Variants in UTRN observed in about 807,000 individuals in gnomAD.
UTRN encodes dystrophin-related protein 1.
In UTRN, 283 loss-of-function variants were observed where a neutral mutation model predicts 463.9. The ratio of observed to expected loss-of-function variants is 0.61; its 90% CI spans 0.55 to 0.67. UTRN has a LOEUF of 0.67. Among genes scored for constraint, UTRN ranks in the 30% least tolerant of loss-of-function variants. UTRN has a pLI of 0.00. For synonymous variants in UTRN, 1,442 were observed against 1,431.5 expected, an observed-to-expected ratio of 1.01 and a Z score of -0.17; for missense variants, 3,922 against 4,084.3, an observed-to-expected ratio of 0.96 and a Z score of 1.08.
chr6:144,736,541 A>T (rs1789417596), intron 54 of UTRN, among the ~76,000 whole-genome samples: 1 of 152,178 alleles, frequency 6.6e-6, no homozygotes, highest in Non-Finnish European at 1.5e-5. Context: ...CTATTAATTG[A>T]CCATTCCACA....
At chr6:144,778,136 A>G (rs1775497104) in intron 60 of UTRN, among the ~76,000 whole-genome samples, 2 of 152,190 alleles carry the variant, frequency 1.3e-5, no homozygotes, top group South Asian at 4.1e-4. Flanking sequence ...ACCAAAGGGC[A>G]GAGAACAGAG....
Position 144,285,767 on chromosome 6 carries a change from C to G in UTRN, c.-147C>G, listed in dbSNP as rs892485821. Reference sequence around the variant, plus strand: ...GTCAAACTCCTAGAGGAGCCCTTGGCCAGCTCGGGGTGCGGCGGTGGCGAC... The same window carrying G: ...GTCAAACTCCTAGAGGAGCCCTTGGGCAGCTCGGGGTGCGGCGGTGGCGAC... On this transcript the variant is annotated 5_prime_UTR_variant, in exon 1 of 75. Coordinates refer to ENST00000367545, the MANE Select transcript of UTRN (RefSeq NM_007124.3). 1 of 152,428 alleles carries G rather than the reference C, an allele frequency of 6.6e-6. No homozygotes were observed. Among genetic ancestry groups the G allele is most frequent in the Admixed American group, 6.5e-5 (1 of 15,276 alleles). 9.4% of individuals were successfully genotyped at this position (152,428 alleles called of 1,614,324 possible). A position where few individuals can be genotyped will look rare whatever the true frequency, so the allele number is the denominator to read the frequency against.
At chr6:144,402,990 C>T in intron 2 of UTRN, 133 bp from the exon 3 acceptor site, 1 of 757,796 alleles carries the variant, frequency 1.3e-6, no homozygotes, top group Non-Finnish European at 2.2e-6. Context: ...ATTAGCTCCG[C>T]CTCATTGTGC....
intron 41 of UTRN, among the ~76,000 whole-genome samples, chr6:144,525,129 G>C (rs559381941): frequency 2.7e-4 from 41 of 152,008 alleles, no homozygotes; most frequent in African/African-American, 9.9e-4. Flanking sequence ...TCTATATCAG[G>C]GATTTGGTCT....
At chr6:144,290,947 T>C (rs1324247569) in intron 1 of UTRN, among the ~76,000 whole-genome samples, 2 of 149,978 alleles carry the variant, frequency 1.3e-5, no homozygotes, top group Non-Finnish European at 3.0e-5. Flanking sequence ...TTTTTTTTTT[T>C]GTATTTTTAG....
At chr6:144,842,586 AAAC>A (rs985497089) in intron 73 of UTRN, among the ~76,000 whole-genome samples, 1 of 152,166 alleles carries the variant, frequency 6.6e-6, no homozygotes, top group Non-Finnish European at 1.5e-5. Flanking sequence ...CTCTATCTCA[AAAC>A]AACAACAACA....
chr6:144,636,200 A>C (rs1322705361), intron 51 of UTRN, among the ~76,000 whole-genome samples: 1 of 152,154 alleles, frequency 6.6e-6, no homozygotes, highest in African/African-American at 2.4e-5. Flanking sequence ...TACACCATGG[A>C]GTACTATGCA....
At chr6:144,343,645 A>G (rs1167149640) in intron 2 of UTRN, among the ~76,000 whole-genome samples, 1 of 152,198 alleles carries the variant, frequency 6.6e-6, no homozygotes, top group Non-Finnish European at 1.5e-5. Flanking sequence ...ATAGCTGCAT[A>G]TGGTTAAGTT....
At chr6:144,719,525 C>T (rs1037819941) in intron 53 of UTRN, among the ~76,000 whole-genome samples, 4 of 152,036 alleles carry the variant, frequency 2.6e-5, no homozygotes, top group Non-Finnish European at 5.9e-5. Context: ...TGTGGTGAGC[C>T]GAAATGGCGC....
At position 144,748,426 on chromosome 6, in the gene UTRN, T is replaced by C; in HGVS notation, c.8120T>C (p.Met2707Thr). Residue 2707 changes from methionine (M) to threonine (T), a missense_variant, in exon 55 of 75, where the codon ATG (methionine) becomes ACG (threonine). Transcript: ENST00000367545. ...GCTATGGATGACCTGGACGCTGACA[T>C]GAAGGAGGCAGAGTCCGTGCGGAAT... ...QGAMDDLDADMKEAESVRNGW... is the reference protein window; with the variant it reads ...QGAMDDLDADTKEAESVRNGW... The C allele has an allele frequency of 1.9e-6, 3 of 1,613,958 alleles. No homozygotes were observed. The highest frequency in any genetic ancestry group is 2.5e-6 in the Non-Finnish European group (3 of 1,179,940).
rs544446750 is a variant in UTRN, at chr6:144,286,531, C to G, written c.-93+710C>G. ...GTAGTCCCGCGCAGTCGCCGGCTCTCCTTTTCCGGACTCTGGGGATCTCTT... is the reference window on the plus strand; with the variant it reads ...GTAGTCCCGCGCAGTCGCCGGCTCTGCTTTTCCGGACTCTGGGGATCTCTT... On this transcript the variant is annotated intron_variant, in intron 1 of 74. Transcript: ENST00000367545. The surrounding 1 kb of genome is among the most constrained non-coding windows in gnomAD (Gnocchi z 4.4). Among the ~76,000 whole-genome samples, 1 of 151,818 alleles carries G rather than the reference C, an allele frequency of 6.6e-6. No individual in the cohort carries two copies. The highest frequency in any genetic ancestry group is 1.5e-5 in the Non-Finnish European group (1 of 67,924).
chr6:144,522,887 A>G (rs1796232042), intron 40 of UTRN, 129 bp from the exon 41 acceptor site: 2 of 822,722 alleles, frequency 2.4e-6, no homozygotes, highest in Non-Finnish European at 3.6e-6. Context: ...TTCAGTTTTC[A>G]TGATTAACAA....
intron 65 of UTRN, among the ~76,000 whole-genome samples, chr6:144,805,770 G>C (rs1778096457): frequency 6.6e-6 from 1 of 152,064 alleles, no homozygotes; most frequent in African/African-American, 2.4e-5. Context: ...TCTGATTGTA[G>C]GGCCCTGTAC....
At chr6:144,561,403 T>C (rs1228208300) in intron 50 of UTRN, among the ~76,000 whole-genome samples, 4 of 151,406 alleles carry the variant, frequency 2.6e-5, no homozygotes, top group East Asian at 1.9e-4. Flanking sequence ...TATATACAGG[T>C]ATGTATATAT....
At chr6:144,470,778 A>G (rs1445770764) in intron 23 of UTRN, among the ~76,000 whole-genome samples, 1 of 151,856 alleles carries the variant, frequency 6.6e-6, no homozygotes, top group Non-Finnish European at 1.5e-5. Flanking sequence ...CAATCCCGGT[A>G]CCTCGGGAGG....
intron 51 of UTRN, among the ~76,000 whole-genome samples, chr6:144,616,575 T>A (rs1806131272): frequency 6.6e-6 from 1 of 151,998 alleles, no homozygotes; most frequent in Non-Finnish European, 1.5e-5. Context: ...AAAAAGATTT[T>A]AAAAATAAAG....
intron 28 of UTRN, among the ~76,000 whole-genome samples, chr6:144,485,755 T>G (rs1792378892): frequency 2.0e-5 from 3 of 152,228 alleles, no homozygotes; most frequent in Admixed American, 2.0e-4. Flanking sequence ...ATCTTACATT[T>G]TAGACATGTT....
intron 32 of UTRN, 62 bp downstream of exon 32, chr6:144,491,164 T>C (rs1793037019): frequency 6.6e-7 from 1 of 1,510,256 alleles, no homozygotes; most frequent in Non-Finnish European, 8.9e-7. Flanking sequence ...TGGCTTGGTC[T>C]AGCAAGTACA....
intron 17 of UTRN, among the ~76,000 whole-genome samples, chr6:144,450,055 C>G (rs1220866314): frequency 6.6e-6 from 1 of 152,146 alleles, no homozygotes; most frequent in Non-Finnish European, 1.5e-5. Flanking sequence ...GTGGTTTTGA[C>G]CAACCTTCTC....
Sources: gnomAD v4.1 joint callset for allele counts (sites outside exome capture counted in the v4.1 genomes callset) on GRCh38, gnomAD v4.1.1 for gene constraint, Gnocchi (gnomAD v3.1) non-coding constraint, MANE v1.5 for transcripts, NCBI Gene and HGNC (gene_info 2026-07-23, HGNC 2026-07-21) for gene names.